Variants in NEDD9 observed in about 807,000 individuals in gnomAD.
NEDD9 encodes enhancer of filamentation 1.
NEDD9 carries 26 observed loss-of-function variants against 76.6 expected under a neutral mutation model. The ratio of observed to expected loss-of-function variants is 0.34; its 90% CI spans 0.25 to 0.47. NEDD9 has a LOEUF of 0.47. Among genes scored for constraint, NEDD9 ranks in the 20% least tolerant of loss-of-function variants. NEDD9 has a pLI of 1.00. For missense variants in NEDD9, 937 were observed against 1,058.5 expected (o/e 0.89, Z 1.59); for synonymous variants, 392 against 414.2 (o/e 0.95, Z 0.65).
rs1014860551 is a variant in NEDD9, at chr6:11,189,801, G to C, written c.1905+163C>G. 3.0e-4 allele frequency among the ~76,000 whole-genome samples: 46 copies of C among 152,150 alleles called. 1 individual carries two copies. Among genetic ancestry groups the C allele is most frequent in the South Asian group, 4.1e-4 (2 of 4,824 alleles). ...GAGTACTCAGGACTCTCAGCCCAGC[G>C]TTCTTACTACTCTACGACACTCCCT... On this transcript the variant is annotated intron_variant, in intron 5 of 6. Coordinates refer to ENST00000379446, the MANE Select transcript of NEDD9 (RefSeq NM_006403.4).
intron 1 of NEDD9, among the ~76,000 whole-genome samples, chr6:11,367,489 G>A (rs1213043237): frequency 3.9e-5 from 6 of 152,192 alleles, no homozygotes; most frequent in Non-Finnish European, 8.8e-5. Flanking sequence ...GTCTCCCAAT[G>A]CAGTTTACTC....
chr6:11,259,849 C>T (rs1176136685), intron 3 of NEDD9, among the ~76,000 whole-genome samples: 1 of 151,462 alleles, frequency 6.6e-6, no homozygotes, highest in Non-Finnish European at 1.5e-5. Context: ...AGAATGATGC[C>T]AATACTGTCA....
chr6:11,211,242 T>C (rs1026033812), intron 2 of NEDD9, among the ~76,000 whole-genome samples: 9 of 152,078 alleles, frequency 5.9e-5, no homozygotes, highest in African/African-American at 2.2e-4. Flanking sequence ...GGAAGATGAG[T>C]CCGTATCTCT....
At chr6:11,381,618 C>G (rs1763065027) in intron 1 of NEDD9, among the ~76,000 whole-genome samples, 1 of 152,190 alleles carries the variant, frequency 6.6e-6, no homozygotes, top group African/African-American at 2.4e-5. Flanking sequence ...CACTTGTCCT[C>G]AGCCCCTTGG....
intron 1 of NEDD9, among the ~76,000 whole-genome samples, chr6:11,356,868 G>T (rs914444972): frequency 6.6e-6 from 1 of 152,084 alleles, no homozygotes; most frequent in Admixed American, 6.6e-5. Context: ...ACACCCCTTC[G>T]CATGTAAGAA....
chr6:11,212,681 C>A (rs951450099), intron 2 of NEDD9, among the ~76,000 whole-genome samples: 3 of 152,226 alleles, frequency 2.0e-5, no homozygotes, highest in Admixed American at 1.3e-4. Flanking sequence ...ATAAGAATGA[C>A]TTGAAGGACA....
intron 1 of NEDD9, chr6:11,352,414 C>T (rs1407654466): frequency 3.3e-5 from 5 of 152,190 alleles, no homozygotes; most frequent in African/African-American, 9.7e-5. Flanking sequence ...TTTTTCTCTT[C>T]TGTTTTGCCC....
At chr6:11,322,752 C>G (rs1761837674) in intron 2 of NEDD9, among the ~76,000 whole-genome samples, 1 of 152,218 alleles carries the variant, frequency 6.6e-6, no homozygotes, top group Non-Finnish European at 1.5e-5. Flanking sequence ...GTTTCAAATC[C>G]CGATTCTTGG....
At chr6:11,292,424 C>A (rs893248771) in intron 3 of NEDD9, among the ~76,000 whole-genome samples, 28 of 152,334 alleles carry the variant, frequency 1.8e-4, no homozygotes, top group African/African-American at 5.5e-4. Flanking sequence ...CTTCAGCAAT[C>A]CCATCTGGGT....
chr6:11,260,097 G>A (rs899954525), intron 3 of NEDD9, among the ~76,000 whole-genome samples: 8 of 151,958 alleles, frequency 5.3e-5, no homozygotes, highest in African/African-American at 9.7e-5. Context: ...CCCAAAAAAC[G>A]GAAATTAAAT....
intron 3 of NEDD9, among the ~76,000 whole-genome samples, chr6:11,297,939 G>A (rs998298705): frequency 2.9e-5 from 4 of 140,106 alleles, no homozygotes; most frequent in East Asian, 4.1e-4. Context: ...ACAGAGTCTC[G>A]CTTTGTCGCC....
At chr6:11,289,730 C>T (rs1760726533) in intron 3 of NEDD9, among the ~76,000 whole-genome samples, 1 of 152,066 alleles carries the variant, frequency 6.6e-6, no homozygotes, top group South Asian at 2.1e-4. Flanking sequence ...GGATTACAGG[C>T]GTGAGCCACT....
In NEDD9 at chr6:11,238,423, G is replaced by C. The variant is rs932637083; in HGVS notation, c.13-24696C>G. On this transcript the variant is annotated intron_variant, in intron 3 of 3. Transcript: ENST00000397378. ...TCGTTATCTGAGCACATGTTTGTCC[G>C]CTCAATAAGGTCGAGTCTCCACCCT... 2.6e-5 allele frequency among the ~76,000 whole-genome samples: 4 copies of C among 152,196 alleles called. No homozygotes were observed. The South Asian group carries it at 8.3e-4, about 31-fold the overall frequency.
At chr6:11,355,963 TG>T in intron 1 of NEDD9, among the ~76,000 whole-genome samples, 1 of 152,220 alleles carries the variant, frequency 6.6e-6, no homozygotes, top group South Asian at 2.1e-4. Flanking sequence ...CCTCGTGATC[TG>T]CCCACCTTGG....
chr6:11,213,522 C>T lies in NEDD9; in HGVS notation c.218G>A (p.Ser73Asn). The change falls in exon 2 of 7, where the codon AGT becomes AAT. Residue 73 changes from serine (S) to asparagine (N), a missense_variant. Transcript: ENST00000379446. This position sits in a 1 kb window ranked among gnomAD's most constrained non-coding sequence, Gnocchi z 5.4. ...LIGPMQETAS[S>N]HEQPASGLMQ... ...CAGTCCAGAGGCAGGCTGCTCGTGA[C>T]TGGAGGCAGTCTCCTGCATGGGACC... 6.2e-7 allele frequency: 1 copy of T among 1,614,188 alleles called. No homozygotes were observed. The highest frequency in any genetic ancestry group is 2.2e-5 in the East Asian group (1 of 44,872).
intron 2 of NEDD9, among the ~76,000 whole-genome samples, chr6:11,197,440 A>C (rs1758321255): frequency 6.6e-6 from 1 of 152,032 alleles, no homozygotes; most frequent in Non-Finnish European, 1.5e-5. Context: ...CCGGCACAGG[A>C]TTTGCACTTT....
Position 11,213,377 on chromosome 6 carries a change from G to A in NEDD9, c.363C>T (p.Pro121=), listed in dbSNP as rs757193746. The change falls in exon 2 of 7, where the codon CCC becomes CCT. Residue 121 remains proline, a synonymous_variant. Transcript: ENST00000379446. This position sits in a 1 kb window ranked among gnomAD's most constrained non-coding sequence, Gnocchi z 5.4. ...SYQNQGIYQV[P]TGHGTQEQEV... is the part of the protein sequence containing the mutation. ...CTTGTTCTTGGGTGCCGTGGCCAGT[G>A]GGGACTTGGTAAATTCCCTGATTTT... 9 of 1,614,028 alleles carry A rather than the reference G, an allele frequency of 5.6e-6. No homozygotes were observed. In the Admixed American group the frequency reaches 1.5e-4, roughly 27 times the overall value.
intron 2 of NEDD9, among the ~76,000 whole-genome samples, chr6:11,332,976 A>G (rs965097890): frequency 2.7e-5 from 4 of 150,890 alleles, no homozygotes; most frequent in Admixed American, 6.6e-5. Flanking sequence ...ACGGTTTCCC[A>G]TAAGCCAAAT....
intron 3 of NEDD9, among the ~76,000 whole-genome samples, chr6:11,260,680 TG>T (rs1199627393): frequency 6.6e-6 from 1 of 152,218 alleles, no homozygotes; most frequent in Admixed American, 6.5e-5. Flanking sequence ...ACATGTATGC[TG>T]GGTCCTAAGT....
Sources: allele counts gnomAD v4.1 joint callset (sites outside exome capture counted in the v4.1 genomes callset), GRCh38; gene constraint gnomAD v4.1.1; non-coding constraint Gnocchi (gnomAD v3.1); transcripts MANE v1.5; gene names NCBI Gene and HGNC (gene_info 2026-07-23, HGNC 2026-07-21).